Variants in COX4I1 observed in about 807,000 individuals in gnomAD.
COX4I1 encodes the protein cytochrome c oxidase subunit 4I1, also known as cytochrome c oxidase subunit 4 isoform 1, mitochondrial.
Under a neutral mutation model 21.7 loss-of-function variants are expected in COX4I1, and 18 were observed. That is an observed-to-expected ratio of 0.83 (90% CI 0.57 to 1.23). COX4I1 has a LOEUF of 1.23. Ranked by LOEUF, COX4I1 falls within the 50% of genes most tolerant of loss-of-function variation. The probability of loss-of-function intolerance (pLI) is 0.00; values close to 1 mark genes in which losing one functional copy is unlikely to be tolerated. For synonymous variants in COX4I1, 100 were observed against 81.5 expected (o/e 1.23, Z -1.23); for missense variants, 238 against 220.7 (o/e 1.08, Z -0.50).
At chr16:85,806,717 A>G in intron 4 of COX4I1, 21 bp from the exon 5 acceptor site, 3 of 1,614,036 alleles carry the variant, frequency 1.9e-6, no homozygotes, top group Non-Finnish European at 1.7e-6. Flanking sequence ...GTCTTGCCCC[A>G]TAACCTGTCT....
intron 2 of COX4I1, among the ~76,000 whole-genome samples, chr16:85,802,396 C>A (rs1265435475): frequency 1.3e-5 from 2 of 152,194 alleles, no homozygotes; most frequent in Non-Finnish European, 2.9e-5. Context: ...AGAGTGTAAG[C>A]CTTTTGAGGC....
Position 85,801,145 on chromosome 16 carries a change from A to C in COX4I1, c.-1-60A>C, listed in dbSNP as rs550964101. On this transcript the variant is annotated intron_variant, in intron 1 of 4. Transcript: ENST00000253452. ...TCCAAAATGCTCTGGGGCAAAAAGA[A>C]GACTAATTCCTTGCTGTTTGTCCTT... 1.6e-5 allele frequency: 23 copies of C among 1,426,560 alleles called. No individual in the cohort carries two copies. In the East Asian group the frequency reaches 4.7e-4, roughly 29 times the overall value. 88.4% of individuals were successfully genotyped at this position (1,426,560 alleles called of 1,614,324 possible).
At chr16:85,802,747 C>G (rs1056897706) in intron 2 of COX4I1, among the ~76,000 whole-genome samples, 1 of 152,188 alleles carries the variant, frequency 6.6e-6, no homozygotes, top group Non-Finnish European at 1.5e-5. Flanking sequence ...TTCTCTCTCT[C>G]TAAAAGAAAT....
chr16:85,804,901 A>G (rs778714969), intron 2 of COX4I1, 36 bp from the exon 3 acceptor site: 128 of 1,575,044 alleles, frequency 8.1e-5, no homozygotes, highest in Non-Finnish European at 1.1e-4. Context: ...CTCAACTTAC[A>G]TGGATTTTCA....
intron 2 of COX4I1, chr16:85,803,463 G>A (rs904724661): frequency 2.0e-5 from 3 of 152,200 alleles, no homozygotes; most frequent in African/African-American, 7.2e-5. Context: ...GCATTGTTGC[G>A]GGCATTGTAC....
intron 3 of COX4I1, 53 bp from the exon 4 acceptor site, chr16:85,805,680 G>C: frequency 6.2e-7 from 1 of 1,606,634 alleles, no homozygotes; most frequent in Non-Finnish European, 8.5e-7. Flanking sequence ...ATGTTGCAGA[G>C]GAGGGAGCTG....
At chr16:85,806,439 T>A in intron 4 of COX4I1, 1 of 702,716 alleles carries the variant, frequency 1.4e-6, no homozygotes, top group Non-Finnish European at 2.6e-6. Context: ...CAGACCCGAA[T>A]CTATTTGATC....
chr16:85,805,177 C>G, intron 3 of COX4I1, 73 bp downstream of exon 3: 1 of 1,419,246 alleles, frequency 7.0e-7, no homozygotes, highest in South Asian at 1.4e-5. Context: ...CCTCTGCTCA[C>G]TTCTGGGCCT....
chr16:85,803,665 T>A (rs899698121), intron 2 of COX4I1: 19 of 152,268 alleles, frequency 1.2e-4, no homozygotes, highest in Non-Finnish European at 2.6e-4. Context: ...GCAGAAATCC[T>A]CACTCAGATC....
At chr16:85,800,788 T>A (rs1156932291) in intron 1 of COX4I1, among the ~76,000 whole-genome samples, 1 of 152,146 alleles carries the variant, frequency 6.6e-6, no homozygotes, top group Non-Finnish European at 1.5e-5. Context: ...CATGCCCGGC[T>A]AATTTTTGTA....
chr16:85,800,230 C>T (rs558999182), intron 1 of COX4I1, among the ~76,000 whole-genome samples: 18 of 152,372 alleles, frequency 1.2e-4, no homozygotes, highest in Non-Finnish European at 2.2e-4. Context: ...GGCGTTCAGC[C>T]CTGACGTCAT....
In COX4I1 at chr16:85,806,951, T is replaced by G. The variant is rs1050175838; in HGVS notation, c.*77T>G. 51 of 1,501,020 alleles carry G rather than the reference T, an allele frequency of 3.4e-5. No homozygotes were observed. The highest frequency in any genetic ancestry group is 3.9e-5 in the Non-Finnish European group (43 of 1,103,488). 93.0% of individuals were successfully genotyped at this position (1,501,020 alleles called of 1,614,324 possible). A position where few individuals can be genotyped will look rare whatever the true frequency, so the allele number is the denominator to read the frequency against. On this transcript the variant is annotated 3_prime_UTR_variant, in exon 5 of 5. Transcript: ENST00000253452. ...ACTCCATGCCTATTTACTGGAAACCTGTTATGCCAAACAGTTGTACCACTG... is the reference window on the plus strand; with the variant it reads ...ACTCCATGCCTATTTACTGGAAACCGGTTATGCCAAACAGTTGTACCACTG...
intron 3 of COX4I1, 96 bp from the exon 4 acceptor site, chr16:85,805,637 T>C: frequency 6.4e-7 from 1 of 1,563,700 alleles, no homozygotes; most frequent in Non-Finnish European, 8.7e-7. Flanking sequence ...TGTTTCCTCC[T>C]TCACAAGTGT....
chr16:85,805,121 C>T lies in COX4I1; in HGVS notation c.241+17C>T, dbSNP rs758936363. 1.9e-6 allele frequency: 3 copies of T among 1,602,422 alleles called. No individual in the cohort carries two copies. The Admixed American group carries it at 5.2e-5, about 28-fold the overall frequency. On this transcript the variant is annotated intron_variant, in intron 3 of 4. Transcript: ENST00000253452. ...AAGTCGAGTGTGGGTATTGAAGGGACCCACAGGCGCGCCCAGCAGCTCTCG... is the reference window on the plus strand; with the variant it reads ...AAGTCGAGTGTGGGTATTGAAGGGATCCACAGGCGCGCCCAGCAGCTCTCG...
At position 85,805,551 on chromosome 16, in the gene COX4I1, A is replaced by G. The variant is rs138825412; in HGVS notation, c.242-182A>G. The G allele has an allele frequency of 5.1e-4, 411 of 798,974 alleles. 3 individuals are homozygous for G. The African/African-American group carries it at 6.5e-3, about 13-fold the overall frequency. 49.5% of individuals were successfully genotyped at this position (798,974 alleles called of 1,614,324 possible). On this transcript the variant is annotated intron_variant, in intron 3 of 4. Transcript: ENST00000253452. ...TTTTCTTCTTTCCTTGCCCTGTCACATGCCTGCGTGGGCACGTGTGTGCAC... is the reference window on the plus strand; with the variant it reads ...TTTTCTTCTTTCCTTGCCCTGTCACGTGCCTGCGTGGGCACGTGTGTGCAC...
At position 85,806,743 on chromosome 16, in the gene COX4I1, G is replaced by A. The variant is rs751718635; in HGVS notation, c.379G>A (p.Gly127Ser). The part of the protein sequence containing the change: ...VIMWQKHYVY[G>S]PLPQSFDKEW... ...TAACCTGTCTCACACCGTAGTGTAC[G>A]GCCCCCTCCCGCAAAGCTTTGACAA... The change falls in exon 5 of 5, where the codon GGC becomes AGC. Residue 127 changes from glycine (G) to serine (S), a missense_variant. Physicochemically the swap from Gly to Ser is moderately conservative, Grantham distance 56. Transcript: ENST00000253452. The A allele has an allele frequency of 3.5e-5, 56 of 1,613,932 alleles. No individual in the cohort carries two copies. Among genetic ancestry groups the A allele is most frequent in the South Asian group, 5.5e-5 (5 of 91,080 alleles).
Position 85,804,992 on chromosome 16 carries a change from C to A in COX4I1, c.129C>A (p.Asp43Glu). The change falls in exon 3 of 5, where the codon GAC (aspartate) becomes GAA (glutamate). Residue 43 changes from aspartate (D) to glutamate (E), a missense_variant. Physicochemically the swap from Asp to Glu is conservative, Grantham distance 45 (BLOSUM62 2). Transcript: ENST00000253452. ...TCCCAGCTTATATGGATCGGCGTGA[C>A]CACCCCTTGCCGGAGGTGGCCCATG... is the stretch of plus-strand genomic sequence containing the variant. ...FSLPAYMDRR[D>E]HPLPEVAHVK... 6.2e-7 allele frequency: 1 copy of A among 1,614,140 alleles called. No individual in the cohort carries two copies. Among genetic ancestry groups the A allele is most frequent in the Non-Finnish European group, 8.5e-7 (1 of 1,179,998 alleles).
At chr16:85,801,048 G>C in intron 1 of COX4I1, 157 bp from the exon 2 acceptor site, 1 of 569,630 alleles carries the variant, frequency 1.8e-6, no homozygotes, top group Non-Finnish European at 3.2e-6. Context: ...CCTCATCCTA[G>C]GTCATTTTGT....
At chr16:85,802,652 C>G (rs775022061) in intron 2 of COX4I1, among the ~76,000 whole-genome samples, 30 of 152,336 alleles carry the variant, frequency 2.0e-4, no homozygotes, top group African/African-American at 6.5e-4. Flanking sequence ...CCCAGATATA[C>G]CAGATCTCCC....
Sources: gnomAD v4.1 joint callset for allele counts (sites outside exome capture counted in the v4.1 genomes callset) on GRCh38, gnomAD v4.1.1 for gene constraint, MANE v1.5 for transcripts, NCBI Gene and HGNC (gene_info 2026-07-23, HGNC 2026-07-21) for gene names.